TPRG1: variants seen among roughly 807,000 people sequenced by gnomAD.
The protein encoded by TPRG1 is tumor protein p63-regulated gene 1 protein.
A neutral mutation model predicts 29.3 loss-of-function variants in TPRG1; 29 were observed. That is an observed-to-expected ratio of 0.99 (90% CI 0.74 to 1.35). TPRG1 has a LOEUF of 1.35. TPRG1 is among the 40% of genes most tolerant of loss of function. The pLI is 0.00. For synonymous variants in TPRG1, 130 were observed against 116.8 expected (o/e 1.11, Z -0.73); for missense variants, 327 against 335.0 (o/e 0.98, Z 0.19).
chr3:189,104,225 C>CT (rs1719545499), intron 1 of TPRG1, among the ~76,000 whole-genome samples: 1 of 152,074 alleles, frequency 6.6e-6, no homozygotes, highest in Non-Finnish European at 1.5e-5. Context: ...AAATTAACCT[C>CT]TTTGAGCCTC....
intron 4 of TPRG1, among the ~76,000 whole-genome samples, chr3:189,032,152 G>C (rs377522168): frequency 1.3e-5 from 2 of 152,166 alleles, no homozygotes; most frequent in Admixed American, 1.3e-4. Context: ...AACAATTTGA[G>C]TGGGCGCCAT....
At chr3:189,010,227 C>G (rs1048361585) in intron 3 of TPRG1, among the ~76,000 whole-genome samples, 1 of 152,096 alleles carries the variant, frequency 6.6e-6, no homozygotes, top group African/African-American at 2.4e-5. Flanking sequence ...CATGTCTTTG[C>G]TGTTGTGAAT....
At chr3:189,001,339 A>G (rs1712008497) in intron 2 of TPRG1, among the ~76,000 whole-genome samples, 1 of 152,214 alleles carries the variant, frequency 6.6e-6, no homozygotes, top group Non-Finnish European at 1.5e-5. Flanking sequence ...CGAGCTGCTA[A>G]CAAAATCCCA....
At chr3:189,173,778 A>T (rs1342455367) in intron 1 of TPRG1, among the ~76,000 whole-genome samples, 1 of 152,062 alleles carries the variant, frequency 6.6e-6, no homozygotes, top group Non-Finnish European at 1.5e-5. Flanking sequence ...AAGCAGAAGC[A>T]TTAGCCATGT....
intron 4 of TPRG1, among the ~76,000 whole-genome samples, chr3:189,255,955 A>G (rs1407192064): frequency 6.6e-6 from 1 of 152,068 alleles, no homozygotes; most frequent in Non-Finnish European, 1.5e-5. Flanking sequence ...TCTTTTCCAA[A>G]AAAAACAGCT....
intron 4 of TPRG1, among the ~76,000 whole-genome samples, chr3:189,062,570 T>A (rs1161660679): frequency 6.6e-6 from 1 of 152,128 alleles, no homozygotes; most frequent in Non-Finnish European, 1.5e-5. Flanking sequence ...TCATAATTGA[T>A]CACTGAAATA....
intron 3 of TPRG1, among the ~76,000 whole-genome samples, chr3:189,020,115 T>G (rs1226198186): frequency 6.6e-6 from 1 of 151,934 alleles, no homozygotes; most frequent in Non-Finnish European, 1.5e-5. Context: ...ATTTGATTCT[T>G]CTCTCTTTTT....
At chr3:189,065,327 C>CAGT (rs1716368297) in intron 4 of TPRG1, among the ~76,000 whole-genome samples, 1 of 151,910 alleles carries the variant, frequency 6.6e-6, no homozygotes, top group Non-Finnish European at 1.5e-5. Context: ...TTTATGAGAC[C>CAGT]AGTAGTACTC....
At chr3:189,212,359 T>G (rs1407297149) in intron 2 of TPRG1, 1 of 152,204 alleles carries the variant, frequency 6.6e-6, no homozygotes, top group African/African-American at 2.4e-5. Flanking sequence ...TGACACTAAT[T>G]TGGCTTTCAT....
intron 3 of TPRG1, among the ~76,000 whole-genome samples, chr3:189,023,002 C>G (rs1039293619): frequency 6.6e-6 from 1 of 152,172 alleles, no homozygotes; most frequent in African/African-American, 2.4e-5. Context: ...AGGTGCCGTC[C>G]GTCACCCCTT....
At position 189,219,758 on chromosome 3, in the gene TPRG1, G is replaced by A. The variant is rs372718538; in HGVS notation, c.302+4375G>A. ...ACGTTAGTGTGAAGTGGTGGTGGGC[G>A]ATTGTTGTTCTTAATTCTTCTTATT... On this transcript the variant is annotated intron_variant, in intron 3 of 5. Coordinates refer to ENST00000345063, the MANE Select transcript of TPRG1 (RefSeq NM_198485.4). 4.6e-4 allele frequency: 514 copies of A among 1,119,322 alleles called. 6 individuals are homozygous for A. The South Asian group carries it at 9.4e-3, about 21-fold the overall frequency. 69.3% of individuals were successfully genotyped at this position (1,119,322 alleles called of 1,614,324 possible).
intron 1 of TPRG1, among the ~76,000 whole-genome samples, chr3:189,102,779 A>G (rs1560446925): frequency 6.6e-6 from 1 of 152,138 alleles, no homozygotes; most frequent in Non-Finnish European, 1.5e-5. Context: ...TTAAAACTTT[A>G]TCTTGCTTTT....
chr3:189,170,456 G>A (rs12497405), upstream of TPRG1, among the ~76,000 whole-genome samples: 6,699 of 152,178 alleles, frequency 0.044, 348 homozygotes, highest in African/African-American at 0.12. Flanking sequence ...CGCCTCCACC[G>A]CTGTGCAGCC....
chr3:189,172,813 C>T (rs1004753449), intron 1 of TPRG1, among the ~76,000 whole-genome samples: 3 of 152,180 alleles, frequency 2.0e-5, no homozygotes, highest in Non-Finnish European at 2.9e-5. Context: ...GCGCCTGAGA[C>T]ATCCTCCAGA....
At chr3:188,999,010 T>A (rs1711916259) in intron 1 of TPRG1, among the ~76,000 whole-genome samples, 1 of 152,210 alleles carries the variant, frequency 6.6e-6, no homozygotes, top group Non-Finnish European at 1.5e-5. Context: ...TTTGAGGTGA[T>A]GAGTATCCTA....
intron 4 of TPRG1, among the ~76,000 whole-genome samples, chr3:189,275,904 A>AG (rs1196268952): frequency 6.6e-6 from 1 of 152,164 alleles, no homozygotes; most frequent in African/African-American, 2.4e-5. Flanking sequence ...CATACCTCAA[A>AG]GTCTTCAGTG....
At chr3:189,194,990 G>A (rs1282502205) in intron 1 of TPRG1, among the ~76,000 whole-genome samples, 1 of 152,138 alleles carries the variant, frequency 6.6e-6, no homozygotes. Context: ...GGCTTATAAG[G>A]TGAGGTATCT....
At chr3:189,178,708 C>T (rs1404713048) in intron 1 of TPRG1, among the ~76,000 whole-genome samples, 3 of 152,092 alleles carry the variant, frequency 2.0e-5, no homozygotes, top group Admixed American at 6.5e-5. Flanking sequence ...GGTATTTAAA[C>T]CTGGTTTCTA....
chr3:189,311,307 C>G (rs1225452337), intron 5 of TPRG1, among the ~76,000 whole-genome samples: 1 of 152,044 alleles, frequency 6.6e-6, no homozygotes, highest in Non-Finnish European at 1.5e-5. Flanking sequence ...CCTTCTCCGT[C>G]CTTTTTATGT....
Sources: allele counts gnomAD v4.1 joint callset (sites outside exome capture counted in the v4.1 genomes callset), GRCh38; gene constraint gnomAD v4.1.1; transcripts MANE v1.5; gene names NCBI Gene and HGNC (gene_info 2026-07-23, HGNC 2026-07-21).